Variants in XPNPEP3 observed in about 807,000 individuals in gnomAD.
XPNPEP3 encodes the protein xaa-Pro aminopeptidase 3.
In XPNPEP3, 41 loss-of-function variants were observed where a neutral mutation model predicts 60.0. That is an observed-to-expected ratio of 0.68 (90% CI 0.53 to 0.89). The LOEUF is 0.89. XPNPEP3 is among the 40% of genes least tolerant of loss of function. The probability of loss-of-function intolerance (pLI) is 0.00; values close to 1 mark genes in which losing one functional copy is unlikely to be tolerated. For synonymous variants in XPNPEP3, 212 were observed against 223.2 expected, an observed-to-expected ratio of 0.95 and a Z score of 0.45; for missense variants, 598 against 638.9, an observed-to-expected ratio of 0.94 and a Z score of 0.69.
intron 7 of XPNPEP3, among the ~76,000 whole-genome samples, chr22:40,920,917 C>T (rs1205361134): frequency 2.6e-5 from 4 of 152,142 alleles, no homozygotes; most frequent in Non-Finnish European, 5.9e-5. Context: ...CTCAGCCTCC[C>T]GAGTAGCTGG....
At chr22:40,904,457 G>A (rs2058146817) in intron 4 of XPNPEP3, among the ~76,000 whole-genome samples, 1 of 152,170 alleles carries the variant, frequency 6.6e-6, no homozygotes, top group African/African-American at 2.4e-5. Flanking sequence ...AGGATCGCTT[G>A]AGCCCAGGAG....
At chr22:40,887,701 C>G (rs1282238945) in intron 4 of XPNPEP3, among the ~76,000 whole-genome samples, 8 of 152,134 alleles carry the variant, frequency 5.3e-5, no homozygotes, top group Admixed American at 5.2e-4. Flanking sequence ...GCACATGCAA[C>G]AGACTACCTC....
chr22:40,860,775 C>T (rs1293584504), intron 1 of XPNPEP3: 9 of 700,136 alleles, frequency 1.3e-5, no homozygotes, highest in South Asian at 8.4e-5. Flanking sequence ...ACCAGCTTCC[C>T]GAGTAGCTGG....
intron 7 of XPNPEP3, among the ~76,000 whole-genome samples, 157 bp from the exon 8 acceptor site, chr22:40,922,176 T>C (rs2058218886): frequency 6.6e-6 from 1 of 152,154 alleles, no homozygotes; most frequent in Admixed American, 6.6e-5. Context: ...TAGGACATGA[T>C]TGAGCTCCTG....
At chr22:40,902,440 T>A (rs1308423585) in intron 4 of XPNPEP3, among the ~76,000 whole-genome samples, 2 of 151,910 alleles carry the variant, frequency 1.3e-5, no homozygotes, top group Non-Finnish European at 2.9e-5. Flanking sequence ...TTAGTAGAGA[T>A]GGGGTTTCAC....
At chr22:40,888,484 T>C (rs1601503301) in intron 4 of XPNPEP3, 1 of 393,996 alleles carries the variant, frequency 2.5e-6, no homozygotes, top group Middle Eastern at 7.5e-4. Flanking sequence ...GCTCAAGCAG[T>C]CCGCCCACCT....
At chr22:40,861,631 G>A (rs373801186) in intron 1 of XPNPEP3, 49 of 1,613,408 alleles carry the variant, frequency 3.0e-5, no homozygotes, top group Non-Finnish European at 3.5e-5. Flanking sequence ...CTTCCTGGAC[G>A]ATTTAACAGG....
rs1043649797 is a variant in XPNPEP3 at position 40,868,911 on chromosome 22, C to T, written c.65-88C>T. 8.8e-6 allele frequency: 9 copies of T among 1,021,898 alleles called. No individual in the cohort carries two copies. In the African/African-American group the frequency reaches 1.3e-4, roughly 14 times the overall value. The allele number at this position is 1,021,898 out of a possible 1,614,324, so 63.3% of individuals were successfully genotyped here. Reference sequence around the variant, plus strand: ...AATATTAGTTTGCATTTTTCTAAAGCATCTAAACTGCTAGAGATAAGTGTA... The same window carrying T: ...AATATTAGTTTGCATTTTTCTAAAGTATCTAAACTGCTAGAGATAAGTGTA... On this transcript the variant is annotated intron_variant, in intron 1 of 9. Coordinates refer to ENST00000357137, the MANE Select transcript of XPNPEP3 (RefSeq NM_022098.4).
At chr22:40,860,736 T>A (rs966458046) in intron 1 of XPNPEP3, 2 of 830,054 alleles carry the variant, frequency 2.4e-6, no homozygotes, top group African/African-American at 3.5e-5. Flanking sequence ...CACTGCAACC[T>A]ATGTCTTCCA....
intron 4 of XPNPEP3, among the ~76,000 whole-genome samples, chr22:40,906,543 G>T (rs966377941): frequency 6.6e-6 from 1 of 152,066 alleles, no homozygotes; most frequent in Non-Finnish European, 1.5e-5. Context: ...GGAGCATTTT[G>T]GTAGTGTCCT....
intron 1 of XPNPEP3, chr22:40,861,838 A>G: frequency 6.2e-7 from 1 of 1,613,968 alleles, no homozygotes; most frequent in Non-Finnish European, 8.5e-7. Context: ...AATACCTCGT[A>G]TGCCTCAGCT....
intron 2 of XPNPEP3, among the ~76,000 whole-genome samples, chr22:40,870,892 G>A (rs558424651): frequency 5.3e-5 from 8 of 152,004 alleles, no homozygotes; most frequent in Non-Finnish European, 1.2e-4. Context: ...AGCCGGGTGT[G>A]GTGGCATATG....
chr22:40,913,455 G>C (rs1348204038), intron 6 of XPNPEP3, among the ~76,000 whole-genome samples: 1 of 149,124 alleles, frequency 6.7e-6, no homozygotes, highest in Non-Finnish European at 1.5e-5. Flanking sequence ...AAAAAAAAAA[G>C]AGGGAAGTGA....
At chr22:40,870,161 T>C in intron 2 of XPNPEP3, 1 of 445,918 alleles carries the variant, frequency 2.2e-6, no homozygotes, top group Non-Finnish European at 4.7e-6. Flanking sequence ...AGCAACCCAG[T>C]TGGTATTAAT....
At chr22:40,895,475 C>T (rs975079549) in intron 4 of XPNPEP3, among the ~76,000 whole-genome samples, 1 of 151,740 alleles carries the variant, frequency 6.6e-6, no homozygotes, top group East Asian at 2.0e-4. Flanking sequence ...GCTGGGATTA[C>T]AGACGCCCAC....
At chr22:40,893,790 A>AT (rs2058097522) in intron 4 of XPNPEP3, among the ~76,000 whole-genome samples, 1 of 151,856 alleles carries the variant, frequency 6.6e-6, no homozygotes, top group Non-Finnish European at 1.5e-5. Flanking sequence ...CTAATTTTGT[A>AT]TTTTTAGTAG....
chr22:40,914,143 A>AG lies in XPNPEP3; in HGVS notation c.970-95dup, dbSNP rs1045628882. ...GGCAACAAGAGTGAAACTCCGTCTC[A>AG]GAAAAAAAAAAAAAAAAGAAAGGCA... On this transcript the variant is annotated intron_variant, in intron 6 of 9. Coordinates refer to ENST00000357137, the MANE Select transcript of XPNPEP3 (RefSeq NM_022098.4). 436 of 988,092 alleles carry AG rather than the reference A, an allele frequency of 4.4e-4. 4 individuals are homozygous for AG. The highest frequency in any genetic ancestry group is 2.6e-4 in the Middle Eastern group (1 of 3,892). The allele number at this position is 988,092 out of a possible 1,614,324, so 61.2% of individuals were successfully genotyped here.
chr22:40,868,972 A>G, intron 1 of XPNPEP3, 27 bp from the exon 2 acceptor site: 1 of 1,567,950 alleles, frequency 6.4e-7, no homozygotes, highest in African/African-American at 1.4e-5. Flanking sequence ...CTATTGTTTC[A>G]TTTCATTCTC....
rs752203414 is a variant in XPNPEP3 at position 40,926,319 on chromosome 22, C to G, written c.1408C>G (p.Leu470Val). 8.1e-6 allele frequency: 13 copies of G among 1,614,006 alleles called. No individual in the cohort carries two copies. The South Asian group carries it at 1.2e-4, about 15-fold the overall frequency. ...AGATGCCCCAGAGAAGTTTCGGGGT[C>G]TTGGTGTACGAATTGAGGATGATGT... ...DKDAPEKFRG[L>V]GVRIEDDVVV... Residue 470 changes from leucine to valine, a missense_variant, in exon 10 of 10, where the codon CTT becomes GTT. By Grantham distance (32) the Leu-to-Val change is conservative. Transcript: ENST00000357137.
Sources: gnomAD v4.1 joint callset for allele counts (sites outside exome capture counted in the v4.1 genomes callset) on GRCh38, gnomAD v4.1.1 for gene constraint, MANE v1.5 for transcripts, NCBI Gene and HGNC (gene_info 2026-07-23, HGNC 2026-07-21) for gene names.